The following CNTN4 variants were observed in gnomAD, a reference collection of about 807,000 sequenced individuals.
The protein encoded by CNTN4 is contactin 4, also known as contactin-4.
In CNTN4, 77 loss-of-function variants were observed where a neutral mutation model predicts 122.5. The ratio of observed to expected loss-of-function variants is 0.63; its 90% CI spans 0.52 to 0.76. CNTN4 has a LOEUF of 0.76. Ranked by LOEUF, CNTN4 falls within the 30% of genes least tolerant of loss-of-function variation. The probability of loss-of-function intolerance (pLI) is 0.00; values close to 1 mark genes in which losing one functional copy is unlikely to be tolerated. For missense variants in CNTN4, 1,256 were observed against 1,259.1 expected (o/e 1.00, Z 0.04); for synonymous variants, 512 against 447.0 (o/e 1.15, Z -1.83).
intron 2 of CNTN4, among the ~76,000 whole-genome samples, chr3:2,219,465 T>G (rs1190540426): frequency 6.6e-6 from 1 of 152,170 alleles, no homozygotes; most frequent in African/African-American, 2.4e-5. Flanking sequence ...CCATTTGTGT[T>G]ACGTTGGATT....
intron 2 of CNTN4, among the ~76,000 whole-genome samples, chr3:2,337,102 A>T (rs2043984524): frequency 1.3e-5 from 2 of 152,102 alleles, no homozygotes; most frequent in South Asian, 2.1e-4. Flanking sequence ...GGTCAGTCCC[A>T]TATATTCCCC....
intron 4 of CNTN4, among the ~76,000 whole-genome samples, chr3:2,691,433 A>G (rs1486166507): frequency 1.3e-5 from 2 of 152,094 alleles, no homozygotes; most frequent in African/African-American, 2.4e-5. Context: ...GAAGAGGAAA[A>G]AGATTCAGTT....
chr3:2,597,308 A>G (rs760077538), intron 4 of CNTN4, among the ~76,000 whole-genome samples: 6 of 152,186 alleles, frequency 3.9e-5, no homozygotes, highest in Non-Finnish European at 7.3e-5. Flanking sequence ...ATTGGGTTGC[A>G]AAGGAAGGGG....
At chr3:2,488,455 G>A (rs1026464880) in intron 3 of CNTN4, among the ~76,000 whole-genome samples, 3 of 152,068 alleles carry the variant, frequency 2.0e-5, no homozygotes, top group African/African-American at 7.2e-5. Flanking sequence ...TGAGTGTTGG[G>A]GGGTGTGTGT....
At position 2,902,819 on chromosome 3, in the gene CNTN4, C is replaced by T; in HGVS notation, c.1078-57C>T. Reference sequence around the variant, plus strand: ...CTTGATATTACACATGGTAAAATTGCCTTAAAGTCTCAGTTGTAGAAGGTC... The same window carrying T: ...CTTGATATTACACATGGTAAAATTGTCTTAAAGTCTCAGTTGTAGAAGGTC... On this transcript the variant is annotated intron_variant, in intron 11 of 24. Transcript: ENST00000418658. The T allele has an allele frequency of 1.9e-6, 3 of 1,575,176 alleles. No individual in the cohort carries two copies. The South Asian group carries it at 3.4e-5, about 18-fold the overall frequency.
chr3:2,700,918 T>C (rs2086323072), intron 4 of CNTN4, among the ~76,000 whole-genome samples: 1 of 152,228 alleles, frequency 6.6e-6, no homozygotes, highest in South Asian at 2.1e-4. Context: ...TTTCTATCTG[T>C]ATCTTTATTT....
At chr3:2,196,718 C>G (rs2037850003) in intron 2 of CNTN4, among the ~76,000 whole-genome samples, 1 of 152,018 alleles carries the variant, frequency 6.6e-6, no homozygotes, top group Admixed American at 6.6e-5. Context: ...CTTGTTTATG[C>G]TCTAAGCAGT....
At chr3:2,328,390 A>G (rs543677311) in intron 2 of CNTN4, among the ~76,000 whole-genome samples, 85 of 151,902 alleles carry the variant, frequency 5.6e-4, no homozygotes, top group Non-Finnish European at 4.4e-4. Flanking sequence ...TGGGCGACAG[A>G]GCGAGACTCC....
At chr3:2,847,564 C>T (rs2093476410) in intron 7 of CNTN4, among the ~76,000 whole-genome samples, 1 of 152,162 alleles carries the variant, frequency 6.6e-6, no homozygotes, top group Admixed American at 6.5e-5. Context: ...AGACCTTAGC[C>T]CCGGCCCTGC....
At chr3:2,833,278 T>C (rs1340518301) in intron 7 of CNTN4, among the ~76,000 whole-genome samples, 1 of 152,212 alleles carries the variant, frequency 6.6e-6, no homozygotes, top group Non-Finnish European at 1.5e-5. Context: ...GAAATGGAAA[T>C]ATTAAAATCT....
intron 2 of CNTN4, among the ~76,000 whole-genome samples, chr3:2,251,111 T>C (rs2149680992): frequency 6.6e-6 from 1 of 152,040 alleles, no homozygotes. Flanking sequence ...ACCGATCATC[T>C]GACCAATTAT....
At chr3:2,159,237 CTT>C (rs1003505583) in intron 2 of CNTN4, among the ~76,000 whole-genome samples, 18 of 152,088 alleles carry the variant, frequency 1.2e-4, no homozygotes, top group Admixed American at 1.3e-4. Context: ...ACATTGCTCT[CTT>C]AAGTATTTTT....
At position 2,817,339 on chromosome 3, in the gene CNTN4, A is replaced by G. The variant is rs185802318; in HGVS notation, c.359-2147A>G. Among the ~76,000 whole-genome samples, 60 of 152,358 alleles carry G rather than the reference A, an allele frequency of 3.9e-4. 2 individuals are homozygous for G. The highest frequency in any genetic ancestry group is 3.9e-3 in the Admixed American group (59 of 15,294). Reference sequence around the variant, plus strand: ...GACCTGCCCATGGTCAACACAGCTAATAAGTGGCAGAGATGGTTTTCAAAC... The same window carrying G: ...GACCTGCCCATGGTCAACACAGCTAGTAAGTGGCAGAGATGGTTTTCAAAC... On this transcript the variant is annotated intron_variant, in intron 6 of 24. Transcript: ENST00000418658.
chr3:2,870,316 A>G (rs776449037), intron 8 of CNTN4, among the ~76,000 whole-genome samples: 13 of 152,216 alleles, frequency 8.5e-5, no homozygotes, highest in Non-Finnish European at 1.8e-4. Flanking sequence ...TTCTTCAGCC[A>G]TTAATGCCCA....
intron 2 of CNTN4, among the ~76,000 whole-genome samples, chr3:2,319,681 A>G (rs2043216922): frequency 6.6e-6 from 1 of 152,206 alleles, no homozygotes; most frequent in Admixed American, 6.5e-5. Flanking sequence ...AAGATACAAA[A>G]TATGTGTTGA....
chr3:2,396,040 GTTA>G (rs1447141872), intron 3 of CNTN4, among the ~76,000 whole-genome samples: 1 of 150,266 alleles, frequency 6.7e-6, no homozygotes, highest in Non-Finnish European at 1.5e-5. Flanking sequence ...GTTTGTTGTT[GTTA>G]TTTTTTTTTT....
At chr3:2,483,303 G>A (rs1044817838) in intron 3 of CNTN4, among the ~76,000 whole-genome samples, 5 of 152,248 alleles carry the variant, frequency 3.3e-5, no homozygotes, top group East Asian at 1.9e-4. Flanking sequence ...TGGAATGGGC[G>A]TATTTACCCA....
chr3:2,676,551 C>G (rs1175676048), intron 4 of CNTN4, among the ~76,000 whole-genome samples: 2 of 152,170 alleles, frequency 1.3e-5, no homozygotes, highest in African/African-American at 2.4e-5. Flanking sequence ...CTAATTCTAC[C>G]TATACAATTT....
rs202231391 is a variant in CNTN4, at chr3:2,186,590, C to T, written c.-145+85951C>T. 0.013 allele frequency among the ~76,000 whole-genome samples: 1,937 copies of T among 152,264 alleles called. 109 individuals carry two copies. The East Asian group carries it at 0.15, about 12-fold the overall frequency. Reference sequence around the variant, plus strand: ...TATTTCTCCACATCCTCTCCAGCACCTGTTGTTTCCTGACTTTTTAATGAT... The same window carrying T: ...TATTTCTCCACATCCTCTCCAGCACTTGTTGTTTCCTGACTTTTTAATGAT... On this transcript the variant is annotated intron_variant, in intron 2 of 24. Coordinates refer to ENST00000418658, the MANE Select transcript of CNTN4 (RefSeq NM_175607.3).
Sources: allele counts gnomAD v4.1 joint callset (sites outside exome capture counted in the v4.1 genomes callset), GRCh38; gene constraint gnomAD v4.1.1; transcripts MANE v1.5; gene names NCBI Gene and HGNC (gene_info 2026-07-23, HGNC 2026-07-21).